The following EYA4 variants were observed in gnomAD, a reference collection of about 807,000 sequenced individuals.
EYA4 encodes the protein protein phosphatase EYA4.
In EYA4, 31 loss-of-function variants were observed where a neutral mutation model predicts 87.9. That is an observed-to-expected ratio of 0.35 (90% CI 0.27 to 0.48). The LOEUF (loss-of-function observed/expected upper bound fraction) is 0.48. Ranked by LOEUF, EYA4 falls within the 20% of genes least tolerant of loss-of-function variation. The pLI is 0.99. For missense variants in EYA4, 678 were observed against 761.4 expected (o/e 0.89, Z 1.29); for synonymous variants, 263 against 270.6 (o/e 0.97, Z 0.28).
intron 18 of EYA4, chr6:133,524,937 G>T: frequency 8.5e-7 from 1 of 1,171,722 alleles, no homozygotes; most frequent in Non-Finnish European, 1.3e-6. Flanking sequence ...TGTTCAAGAG[G>T]CATTAACTTA....
At chr6:133,428,633 G>T (rs764657155) in intron 3 of EYA4, among the ~76,000 whole-genome samples, 3 of 152,102 alleles carry the variant, frequency 2.0e-5, no homozygotes, top group Non-Finnish European at 4.4e-5. Flanking sequence ...TGCCATCCAC[G>T]GCTGTGAATT....
At chr6:133,524,052 G>T (rs1800416027) in intron 18 of EYA4, among the ~76,000 whole-genome samples, 1 of 152,100 alleles carries the variant, frequency 6.6e-6, no homozygotes, top group Admixed American at 6.6e-5. Context: ...CAAGAGTACA[G>T]TTAAGGAGAG....
At chr6:133,320,836 C>T (rs2128354572) in intron 2 of EYA4, among the ~76,000 whole-genome samples, 1 of 152,270 alleles carries the variant, frequency 6.6e-6, no homozygotes, top group Non-Finnish European at 1.5e-5. Context: ...ATCTGTGTTG[C>T]TGCAGGAGAC....
At chr6:133,520,216 GA>G (rs1251883944) in intron 17 of EYA4, among the ~76,000 whole-genome samples, 1 of 151,432 alleles carries the variant, frequency 6.6e-6, no homozygotes, top group African/African-American at 2.4e-5. Context: ...CAGACGACAT[GA>G]TTGTATATCT....
chr6:133,269,238 G>A (rs931834645), intron 1 of EYA4, among the ~76,000 whole-genome samples: 4 of 152,128 alleles, frequency 2.6e-5, no homozygotes, highest in Non-Finnish European at 5.9e-5. Flanking sequence ...CAACCTGGGC[G>A]ACAGAGCAGG....
chr6:133,462,176 T>C (rs1794453295), intron 7 of EYA4, 159 bp from the exon 8 acceptor site: 1 of 843,218 alleles, frequency 1.2e-6, no homozygotes, highest in Admixed American at 1.9e-5. Flanking sequence ...GAGCCTGAGC[T>C]CCTGACATTC....
At chr6:133,489,955 T>C (rs1226177076) in intron 13 of EYA4, among the ~76,000 whole-genome samples, 1 of 148,906 alleles carries the variant, frequency 6.7e-6, no homozygotes, top group Non-Finnish European at 1.5e-5. Context: ...AACTGACAAC[T>C]TTTCAAGACA....
Position 133,529,262 on chromosome 6 carries a change from ACAGT to A in EYA4, c.*459_*462del. On this transcript the variant is annotated 3_prime_UTR_variant, in exon 20 of 20. Coordinates refer to ENST00000355286, the MANE Select transcript of EYA4 (RefSeq NM_004100.5). Reference sequence around the variant, plus strand: ...TGGAATGCACTCAGACTGTATAAGGACAGTCCTATTTAGACATGTAATTTGTGTA... The same window carrying A: ...TGGAATGCACTCAGACTGTATAAGGACCTATTTAGACATGTAATTTGTGTA... 9.6e-7 allele frequency: 1 copy of A among 1,039,946 alleles called. No individual in the cohort carries two copies. The highest frequency in any genetic ancestry group is 1.7e-5 in the African/African-American group (1 of 59,216). 64.4% of individuals were successfully genotyped at this position (1,039,946 alleles called of 1,614,324 possible). A position where few individuals can be genotyped will look rare whatever the true frequency, so the allele number is the denominator to read the frequency against.
At position 133,456,579 on chromosome 6, in the gene EYA4, G is replaced by A; in HGVS notation, c.301G>A (p.Glu101Lys). The change falls in exon 6 of 20, where the codon GAG becomes AAG. Residue 101 changes from glutamate (E) to lysine (K), a missense_variant. Transcript: ENST00000355286. ...ATMSLLAVKT[E>K]PLNSSETTAT... ...AGTGTCTCTTCTTGCAGTCAAAACA[G>A]AGCCCTTGAACAGCAGTGAAACCAC... 6.2e-7 allele frequency: 1 copy of A among 1,613,182 alleles called. No individual in the cohort carries two copies. The highest frequency in any genetic ancestry group is 8.5e-7 in the Non-Finnish European group (1 of 1,179,214).
chr6:133,273,090 T>C (rs1189531492), intron 1 of EYA4, among the ~76,000 whole-genome samples: 2 of 114,522 alleles, frequency 1.7e-5, no homozygotes, highest in African/African-American at 9.2e-5. Context: ...ATAGGAGATA[T>C]ATATATGTAT....
intron 2 of EYA4, among the ~76,000 whole-genome samples, chr6:133,284,419 C>A (rs1582844382): frequency 6.6e-6 from 1 of 152,158 alleles, no homozygotes; most frequent in Non-Finnish European, 1.5e-5. Context: ...TGTGATCCAC[C>A]TGCCTTGACC....
At chr6:133,388,942 GCTT>G (rs1787014635) in intron 3 of EYA4, among the ~76,000 whole-genome samples, 1 of 152,036 alleles carries the variant, frequency 6.6e-6, no homozygotes, top group Admixed American at 6.6e-5. Flanking sequence ...ACGTCCTTCT[GCTT>G]CTGCTCGGTG....
intron 2 of EYA4, among the ~76,000 whole-genome samples, chr6:133,337,673 CTAAT>C (rs914412989): frequency 1.3e-5 from 2 of 152,322 alleles, no homozygotes; most frequent in East Asian, 1.9e-4. Context: ...ATACACATCT[CTAAT>C]TGCTCTCACT....
chr6:133,411,555 C>T (rs1486142970), intron 3 of EYA4, among the ~76,000 whole-genome samples: 1 of 150,444 alleles, frequency 6.6e-6, no homozygotes, highest in East Asian at 1.9e-4. Flanking sequence ...ATCTGTATAT[C>T]TGTCTATCTA....
At chr6:133,506,273 C>A in intron 14 of EYA4, 78 bp downstream of exon 14, 3 of 780,352 alleles carry the variant, frequency 3.8e-6, no homozygotes, top group South Asian at 3.2e-5. Context: ...TAGATAACCT[C>A]GAGAAAACAG....
rs184473582 is a variant in EYA4 at position 133,450,220 on chromosome 6, C to T, written c.277+2041C>T. Among the ~76,000 whole-genome samples the T allele has an allele frequency of 5.8e-3, 888 of 152,112 alleles. 3 individuals are homozygous for T. Among genetic ancestry groups the T allele is most frequent in the South Asian group, 0.02 (95 of 4,804 alleles). ...CAGGGCGGTCTCGATCTCCTGACTTCGTGATCGGCCCGCCTCAGCCTCCCG... is the reference window on the plus strand; with the variant it reads ...CAGGGCGGTCTCGATCTCCTGACTTTGTGATCGGCCCGCCTCAGCCTCCCG... On this transcript the variant is annotated intron_variant, in intron 5 of 19. Transcript: ENST00000355286.
At chr6:133,488,593 C>T (rs1457304924) in intron 13 of EYA4, among the ~76,000 whole-genome samples, 1 of 152,128 alleles carries the variant, frequency 6.6e-6, no homozygotes, top group East Asian at 1.9e-4. Flanking sequence ...GGGAATAGAA[C>T]AAAAGTCTCT....
At chr6:133,524,813 A>G (rs1800486252) in intron 18 of EYA4, among the ~76,000 whole-genome samples, 1 of 152,144 alleles carries the variant, frequency 6.6e-6, no homozygotes, top group Non-Finnish European at 1.5e-5. Flanking sequence ...ATCCCTACTG[A>G]TGTTTTTGGA....
chr6:133,377,256 A>C (rs1250456288), intron 2 of EYA4, among the ~76,000 whole-genome samples: 1 of 152,042 alleles, frequency 6.6e-6, no homozygotes, highest in East Asian at 1.9e-4. Flanking sequence ...AGTATACCCA[A>C]AATATCATTT....
Sources: gnomAD v4.1 joint callset for allele counts (sites outside exome capture counted in the v4.1 genomes callset) on GRCh38, gnomAD v4.1.1 for gene constraint, MANE v1.5 for transcripts, NCBI Gene and HGNC (gene_info 2026-07-23, HGNC 2026-07-21) for gene names.